Variants in LGR4 observed in about 807,000 individuals in gnomAD.
The protein encoded by LGR4 is leucine rich repeat containing G protein-coupled receptor 4.
In LGR4, 44 loss-of-function variants were observed where a neutral mutation model predicts 84.8. That is an observed-to-expected ratio of 0.52 (90% CI 0.41 to 0.67). The LOEUF (loss-of-function observed/expected upper bound fraction) is 0.67, where lower values mean the gene tolerates loss of function less well. Ranked by LOEUF, LGR4 falls within the 30% of genes least tolerant of loss-of-function variation. The pLI, the probability that LGR4 is intolerant of heterozygous loss-of-function variation, is 0.00. For synonymous variants in LGR4, 429 were observed against 434.3 expected (o/e 0.99, Z 0.15); for missense variants, 1,032 against 1,131.4 (o/e 0.91, Z 1.26).
chr11:27,441,575 A>C (rs1864304225), intron 1 of LGR4, among the ~76,000 whole-genome samples: 1 of 152,240 alleles, frequency 6.6e-6, no homozygotes, highest in South Asian at 2.1e-4. Flanking sequence ...GAGAGAAAGT[A>C]AAAAGTTCAA....
intron 1 of LGR4, among the ~76,000 whole-genome samples, chr11:27,469,319 T>C (rs76308733): frequency 6.6e-6 from 1 of 152,124 alleles, no homozygotes; most frequent in South Asian, 2.1e-4. Flanking sequence ...AGGTATTCTC[T>C]CTCTGGGACC....
At chr11:27,389,461 C>T (rs1316773685) in intron 4 of LGR4, among the ~76,000 whole-genome samples, 1 of 152,058 alleles carries the variant, frequency 6.6e-6, no homozygotes, top group East Asian at 1.9e-4. Context: ...AAAAACATCA[C>T]TTTAAATCAT....
intron 2 of LGR4, among the ~76,000 whole-genome samples, chr11:27,395,018 T>G (rs1216311310): frequency 6.6e-6 from 1 of 152,122 alleles, no homozygotes; most frequent in Non-Finnish European, 1.5e-5. Context: ...AGTGCAAGCT[T>G]GGTACAAGCA....
At chr11:27,448,632 T>C (rs1157025961) in intron 1 of LGR4, among the ~76,000 whole-genome samples, 1 of 152,210 alleles carries the variant, frequency 6.6e-6, no homozygotes, top group Non-Finnish European at 1.5e-5. Context: ...GGAAACAAAA[T>C]GATTTTGCTG....
chr11:27,447,179 TATA>T (rs573204253), intron 1 of LGR4, among the ~76,000 whole-genome samples: 5 of 151,654 alleles, frequency 3.3e-5, no homozygotes, highest in African/African-American at 1.2e-4. Flanking sequence ...GAACTTAAAG[TATA>T]ATAATAATAA....
At chr11:27,470,387 A>T (rs754912209) in intron 1 of LGR4, among the ~76,000 whole-genome samples, 13 of 152,310 alleles carry the variant, frequency 8.5e-5, no homozygotes, top group Non-Finnish European at 1.5e-4. Flanking sequence ...GGACAAGTCT[A>T]CTCACTAAAA....
At position 27,419,631 on chromosome 11, in the gene LGR4, T is replaced by C. The variant is rs1032708990; in HGVS notation, c.186-6771A>G. On this transcript the variant is annotated intron_variant, in intron 1 of 17. Transcript: ENST00000379214. ...TATATAAATATAATATATAATAATA[T>C]ATATAATTATATATATACACATATA... Among the ~76,000 whole-genome samples, 4 of 147,464 alleles carry C rather than the reference T, an allele frequency of 2.7e-5. No homozygotes were observed. In the East Asian group the frequency reaches 7.8e-4, roughly 29 times the overall value.
At chr11:27,428,418 C>A (rs867413628) in intron 1 of LGR4, among the ~76,000 whole-genome samples, 3 of 152,284 alleles carry the variant, frequency 2.0e-5, no homozygotes, top group East Asian at 1.9e-4. Flanking sequence ...GGATTACAGG[C>A]GTGAGCCACC....
At chr11:27,428,262 C>T (rs999023186) in intron 1 of LGR4, among the ~76,000 whole-genome samples, 20 of 151,910 alleles carry the variant, frequency 1.3e-4, no homozygotes, top group African/African-American at 4.1e-4. Context: ...TCCAGCCTCC[C>T]GAGAGCTGGG....
At chr11:27,466,106 A>C (rs977023655) in intron 1 of LGR4, among the ~76,000 whole-genome samples, 1 of 152,234 alleles carries the variant, frequency 6.6e-6, no homozygotes, top group African/African-American at 2.4e-5. Context: ...AAGTTTAAAA[A>C]ATTAAAAGAG....
chr11:27,384,616 A>G (rs1863153507), intron 5 of LGR4, among the ~76,000 whole-genome samples: 1 of 152,222 alleles, frequency 6.6e-6, no homozygotes, highest in Non-Finnish European at 1.5e-5. Flanking sequence ...CTCACTAAAC[A>G]TAGACTACCT....
intron 10 of LGR4, 75 bp downstream of exon 10, chr11:27,380,196 A>G: frequency 1.1e-6 from 1 of 889,928 alleles, no homozygotes. Context: ...CATTGTCACT[A>G]AAAGACCCTG....
chr11:27,434,350 T>C (rs569554615), intron 1 of LGR4, among the ~76,000 whole-genome samples: 1 of 152,364 alleles, frequency 6.6e-6, no homozygotes, highest in Admixed American at 6.5e-5. Context: ...CAATAGATGC[T>C]TTCAATGGGA....
intron 1 of LGR4, among the ~76,000 whole-genome samples, chr11:27,413,730 A>T (rs925637837): frequency 6.6e-5 from 10 of 152,054 alleles, no homozygotes; most frequent in Non-Finnish European, 1.5e-4. Flanking sequence ...CTGGCATGAA[A>T]CTTCACATGT....
At chr11:27,455,842 T>C (rs1406866952) in intron 1 of LGR4, among the ~76,000 whole-genome samples, 1 of 152,188 alleles carries the variant, frequency 6.6e-6, no homozygotes, top group African/African-American at 2.4e-5. Flanking sequence ...TCATTACTAG[T>C]GGTAATAAGT....
chr11:27,378,976 G>C, intron 10 of LGR4: 1 of 554,102 alleles, frequency 1.8e-6, no homozygotes, highest in Non-Finnish European at 3.2e-6. Flanking sequence ...AAAAACACTT[G>C]TGACATTAGA....
chr11:27,470,772 A>T (rs1864856239), intron 1 of LGR4, among the ~76,000 whole-genome samples: 1 of 152,040 alleles, frequency 6.6e-6, no homozygotes, highest in Admixed American at 6.5e-5. Flanking sequence ...GAAAAATAAC[A>T]AATGGGGAGG....
intron 10 of LGR4, among the ~76,000 whole-genome samples, chr11:27,379,650 G>A (rs1349323829): frequency 6.6e-6 from 1 of 152,202 alleles, no homozygotes; most frequent in Non-Finnish European, 1.5e-5. Flanking sequence ...CCAACTGACT[G>A]TCTGGAGGGC....
At position 27,425,144 on chromosome 11, in the gene LGR4, A is replaced by G. The variant is rs1272209342; in HGVS notation, c.186-12284T>C. Reference sequence around the variant, plus strand: ...GTGGAGTCGGCTTTTGAACTTCGATATGTTGACAATCAGAAATAAAGTAAT... The same window carrying G: ...GTGGAGTCGGCTTTTGAACTTCGATGTGTTGACAATCAGAAATAAAGTAAT... On this transcript the variant is annotated intron_variant, in intron 1 of 17. Coordinates refer to ENST00000379214, the MANE Select transcript of LGR4 (RefSeq NM_018490.5). Among the ~76,000 whole-genome samples, 3 of 152,182 alleles carry G rather than the reference A, an allele frequency of 2.0e-5. 1 individual carries two copies. Among genetic ancestry groups the G allele is most frequent in the South Asian group, 4.1e-4 (2 of 4,826 alleles).
Sources: allele counts gnomAD v4.1 joint callset (sites outside exome capture counted in the v4.1 genomes callset), GRCh38; gene constraint gnomAD v4.1.1; transcripts MANE v1.5; gene names NCBI Gene and HGNC (gene_info 2026-07-23, HGNC 2026-07-21).